The following DIP2B variants were observed in gnomAD, a reference collection of about 807,000 sequenced individuals.
DIP2B encodes the protein DIP2 acetate--CoA ligase B (putative).
A neutral mutation model predicts 198.0 loss-of-function variants in DIP2B; 76 were observed. That is an observed-to-expected ratio of 0.38 (90% confidence interval 0.32 to 0.46). DIP2B has a LOEUF of 0.46. DIP2B is among the 20% of genes least tolerant of loss of function. DIP2B has a pLI of 0.99. For missense variants in DIP2B, 1,559 were observed against 1,978.4 expected (o/e 0.79, Z 4.02); for synonymous variants, 701 against 739.1 (o/e 0.95, Z 0.84).
Position 50,718,752 on chromosome 12 carries a change from A to G in DIP2B, c.2895A>G (p.Gly965=), listed in dbSNP as rs1939779412. The stretch of plus-strand genomic sequence containing the variant: ...TGATGGTTGGGAATCTGGTTGCTGG[A>G]AAACGTATAGCACAAGCTGCTGGAA... ...ASVMVGNLVA[G]KRIAQAAGRD... The change falls in exon 24 of 38, where the codon GGA becomes GGG. Residue 965 remains glycine (G), a synonymous_variant. Coordinates refer to ENST00000301180, the MANE Select transcript of DIP2B (RefSeq NM_173602.3). The G allele has an allele frequency of 6.2e-7, 1 of 1,614,074 alleles. No individual in the cohort carries two copies.
intron 1 of DIP2B, among the ~76,000 whole-genome samples, chr12:50,588,964 C>T (rs1958794683): frequency 2.0e-5 from 3 of 151,970 alleles, no homozygotes; most frequent in Admixed American, 2.0e-4. Context: ...GCGGGCGGAT[C>T]ACGAGGTCAG....
intron 1 of DIP2B, among the ~76,000 whole-genome samples, chr12:50,604,859 AAT>A (rs1958968492): frequency 6.6e-6 from 1 of 152,144 alleles, no homozygotes; most frequent in Admixed American, 6.5e-5. Flanking sequence ...ATTTAAAAAG[AAT>A]ATATATCAAT....
intron 1 of DIP2B, among the ~76,000 whole-genome samples, chr12:50,536,672 A>C (rs528251407): frequency 6.6e-6 from 1 of 151,252 alleles, no homozygotes; most frequent in African/African-American, 2.4e-5. Flanking sequence ...GGTTCAAGCG[A>C]TTCTCCCACC....
At chr12:50,622,952 A>G (rs1386758432) in intron 1 of DIP2B, among the ~76,000 whole-genome samples, 1 of 152,042 alleles carries the variant, frequency 6.6e-6, no homozygotes, top group African/African-American at 2.4e-5. Flanking sequence ...CCTATCAAAA[A>G]TATCATTCTT....
At chr12:50,682,744 A>G (rs1477364390) in intron 9 of DIP2B, among the ~76,000 whole-genome samples, 1 of 151,994 alleles carries the variant, frequency 6.6e-6, no homozygotes, top group Non-Finnish European at 1.5e-5. Context: ...TTATTCTTTA[A>G]TATGCTGTTC....
chr12:50,605,220 T>G (rs1958971241), intron 1 of DIP2B, among the ~76,000 whole-genome samples: 1 of 152,192 alleles, frequency 6.6e-6, no homozygotes, highest in South Asian at 2.1e-4. Context: ...AATGGAATGT[T>G]TTTTAGTAGG....
intron 1 of DIP2B, among the ~76,000 whole-genome samples, chr12:50,609,759 A>G (rs1593653830): frequency 6.6e-6 from 1 of 152,218 alleles, no homozygotes; most frequent in Non-Finnish European, 1.5e-5. Context: ...ATAAAAGAAG[A>G]GATAGGATGG....
At chr12:50,626,829 A>G (rs947517045) in intron 2 of DIP2B, among the ~76,000 whole-genome samples, 2 of 148,628 alleles carry the variant, frequency 1.3e-5, no homozygotes, top group African/African-American at 5.0e-5. Context: ...TGTATCTCCC[A>G]CAGTTCTCAT....
At chr12:50,720,550 C>A (rs937144956) in intron 25 of DIP2B, among the ~76,000 whole-genome samples, 1 of 151,940 alleles carries the variant, frequency 6.6e-6, no homozygotes, top group Non-Finnish European at 1.5e-5. Context: ...AATTTGGGGA[C>A]TTTCTTGTTC....
intron 22 of DIP2B, among the ~76,000 whole-genome samples, chr12:50,713,567 A>G (rs578141432): frequency 1.3e-5 from 2 of 152,352 alleles, no homozygotes; most frequent in East Asian, 1.9e-4. Flanking sequence ...GTGGCCTCCA[A>G]TGCTCGGTGT....
At chr12:50,526,298 C>A (rs941539190) in intron 1 of DIP2B, among the ~76,000 whole-genome samples, 1 of 152,280 alleles carries the variant, frequency 6.6e-6, no homozygotes, top group Non-Finnish European at 1.5e-5. Context: ...CCCTCAGGGG[C>A]CTATGTGTTT....
At chr12:50,696,639 T>C (rs1296481355) in intron 16 of DIP2B, among the ~76,000 whole-genome samples, 3 of 152,332 alleles carry the variant, frequency 2.0e-5, no homozygotes, top group East Asian at 1.9e-4. Context: ...ACATTGATCA[T>C]CATAGTTTAA....
intron 28 of DIP2B, among the ~76,000 whole-genome samples, chr12:50,726,083 G>A (rs1438663248): frequency 6.6e-6 from 1 of 152,158 alleles, no homozygotes; most frequent in African/African-American, 2.4e-5. Context: ...CACTTGAGTG[G>A]TCATAGGAGT....
intron 36 of DIP2B, 94 bp downstream of exon 36, chr12:50,739,680 A>G (rs1161592536): frequency 4.8e-6 from 7 of 1,449,766 alleles, no homozygotes; most frequent in Non-Finnish European, 6.6e-6. Context: ...GAGTGTGTCT[A>G]TTTAGTTACT....
intron 1 of DIP2B, among the ~76,000 whole-genome samples, chr12:50,569,920 A>G (rs1296715727): frequency 1.3e-5 from 2 of 152,236 alleles, no homozygotes; most frequent in African/African-American, 4.8e-5. Context: ...TCTAAAACCC[A>G]TCTAACTTCC....
At position 50,748,410 on chromosome 12, in the gene DIP2B, C is replaced by T. The variant is rs1226220302; in HGVS notation, c.*3571C>T. 1 of 152,562 alleles carries T rather than the reference C, an allele frequency of 6.6e-6. No homozygotes were observed. The highest frequency in any genetic ancestry group is 2.4e-5 in the African/African-American group (1 of 41,428). 9.5% of individuals were successfully genotyped at this position (152,562 alleles called of 1,614,324 possible). On this transcript the variant is annotated 3_prime_UTR_variant, in exon 38 of 38. Coordinates refer to ENST00000301180, the MANE Select transcript of DIP2B (RefSeq NM_173602.3). ...TATGTAGTTGGGCCATGTTACTTGT[C>T]CAGAGGAAGAGACTAAAGATATAAG...
At chr12:50,567,471 G>C (rs2139403969) in intron 1 of DIP2B, among the ~76,000 whole-genome samples, 1 of 152,242 alleles carries the variant, frequency 6.6e-6, no homozygotes, top group African/African-American at 2.4e-5. Flanking sequence ...GAAAACATCT[G>C]TCTTTCAGAG....
At position 50,655,441 on chromosome 12, in the gene DIP2B, T is replaced by G. The variant is rs187073005; in HGVS notation, c.302-4753T>G. The stretch of plus-strand genomic sequence containing the variant: ...TCTTTAAGCTAACTTTTTGGTATAG[T>G]TTTGACTTTTGGAACATGTTAACTT... On this transcript the variant is annotated intron_variant, in intron 3 of 37. Transcript: ENST00000301180. Among the ~76,000 whole-genome samples the G allele has an allele frequency of 2.6e-3, 401 of 152,220 alleles. 12 individuals are homozygous for G. The highest frequency in any genetic ancestry group is 0.025 in the Admixed American group (380 of 15,270).
At position 50,745,972 on chromosome 12, in the gene DIP2B, G is replaced by C. The variant is rs1225081106; in HGVS notation, c.*1133G>C. The C allele has an allele frequency of 3.3e-5, 5 of 152,234 alleles. No homozygotes were observed. Among genetic ancestry groups the C allele is most frequent in the African/African-American group, 1.2e-4 (5 of 41,456 alleles). The allele number at this position is 152,234 out of a possible 1,614,324, so 9.4% of individuals were successfully genotyped here. A position where few individuals can be genotyped will look rare whatever the true frequency, so the allele number is the denominator to read the frequency against. On this transcript the variant is annotated 3_prime_UTR_variant, in exon 38 of 38. Coordinates refer to ENST00000301180, the MANE Select transcript of DIP2B (RefSeq NM_173602.3). ...AAAACAAGAATGATAGGCCAGGAAGGCAGTGGGGATCCACCATCACATGGA... is the reference window on the plus strand; with the variant it reads ...AAAACAAGAATGATAGGCCAGGAAGCCAGTGGGGATCCACCATCACATGGA...
Sources: gnomAD v4.1 joint callset for allele counts (sites outside exome capture counted in the v4.1 genomes callset) on GRCh38, gnomAD v4.1.1 for gene constraint, MANE v1.5 for transcripts, NCBI Gene and HGNC (gene_info 2026-07-23, HGNC 2026-07-21) for gene names.